The following LYST variants were observed in gnomAD, a reference collection of about 807,000 sequenced individuals.
The protein encoded by LYST is lysosomal-trafficking regulator.
In LYST, 192 loss-of-function variants were observed where a neutral mutation model predicts 413.6. The observed-to-expected ratio is 0.46, with a 90% CI of 0.41 to 0.52. LYST has a LOEUF of 0.52. LYST is among the 20% of genes least tolerant of loss of function. The pLI, the probability that LYST is intolerant of heterozygous loss-of-function variation, is 0.00. For missense variants in LYST, 3,815 were observed against 4,499.9 expected (o/e 0.85, Z 4.35); for synonymous variants, 1,525 against 1,567.3 (o/e 0.97, Z 0.64).
At position 235,804,563 on chromosome 1, in the gene LYST, G is replaced by A. The variant is rs1672607298; in HGVS notation, c.3496C>T (p.Arg1166Ter). 1.9e-6 allele frequency: 3 copies of A among 1,612,856 alleles called. No homozygotes were observed. The highest frequency in any genetic ancestry group is 1.3e-5 in the African/African-American group (1 of 74,852). Reference protein sequence around the residue: ...LAKPLFDALLRVALGNYSADF... With the variant: ...LAKPLFDALL ...GCTGAATAATTCCCGAGGGCAACTCGAAGCAGGGCATCAAATAAAGGCTTT... is the reference window on the plus strand; with the variant it reads ...GCTGAATAATTCCCGAGGGCAACTCAAAGCAGGGCATCAAATAAAGGCTTT... The change falls in exon 7 of 53, where the codon CGA becomes TGA. Residue 1166 changes from arginine (R) to a stop codon, truncating the protein, a stop_gained. Transcript: ENST00000389793. LOFTEE classifies it high-confidence loss of function.
Position 235,699,191 on chromosome 1 carries a change from T to C in LYST, c.10375-1919A>G, listed in dbSNP as rs576125764. Among the ~76,000 whole-genome samples, 7 of 152,274 alleles carry C rather than the reference T, an allele frequency of 4.6e-5. No homozygotes were observed. In the South Asian group the frequency reaches 8.3e-4, roughly 18 times the overall value. Reference sequence around the variant, plus strand: ...GTGTGCCATGGTGGTTTGCTGCACCTATCAACCCATCATCTAGGTTTTGTC... The same window carrying C: ...GTGTGCCATGGTGGTTTGCTGCACCCATCAACCCATCATCTAGGTTTTGTC... On this transcript the variant is annotated intron_variant, in intron 45 of 52. Transcript: ENST00000389793.
intron 36 of LYST, among the ~76,000 whole-genome samples, chr1:235,730,569 G>A (rs1664288607): frequency 1.1e-4 from 1 of 8,996 alleles, no homozygotes; most frequent in African/African-American, 2.5e-3. Context: ...ATATTTATAT[G>A]TGTGTGTGTG....
Position 235,806,350 on chromosome 1 carries a change from T to C in LYST, c.2786A>G (p.Tyr929Cys), listed in dbSNP as rs1174774956. 4.3e-6 allele frequency: 7 copies of C among 1,613,888 alleles called. No individual in the cohort carries two copies. Among genetic ancestry groups the C allele is most frequent in the South Asian group, 2.2e-5 (2 of 91,084 alleles). ...SANDSEDTSGYDSTASEPLSH... is the reference protein window; with the variant it reads ...SANDSEDTSGCDSTASEPLSH... Reference sequence around the variant, plus strand: ...TAAAGGCTCGCTGGCTGTGCTGTCATAGCCAGAAGTATCTTCTGAGTCATT... The same window carrying C: ...TAAAGGCTCGCTGGCTGTGCTGTCACAGCCAGAAGTATCTTCTGAGTCATT... Residue 929 changes from tyrosine (Y) to cysteine (C), a missense_variant, in exon 6 of 53, where the codon TAT (tyrosine) becomes TGT (cysteine). Tyr to Cys is a radical substitution (Grantham distance 194). This residue lies in a region of LYST where 1,648 missense variants were observed against 1,810.3 expected (regional missense o/e 0.91). Transcript: ENST00000389793.
At chr1:235,668,449 A>T (rs1658678226) in intron 50 of LYST, among the ~76,000 whole-genome samples, 1 of 152,186 alleles carries the variant, frequency 6.6e-6, no homozygotes, top group African/African-American at 2.4e-5. Context: ...AAGAGACCTT[A>T]AAAAAAGTTG....
intron 44 of LYST, among the ~76,000 whole-genome samples, chr1:235,708,204 T>TA (rs1461714902): frequency 6.6e-6 from 1 of 152,186 alleles, no homozygotes; most frequent in African/African-American, 2.4e-5. Flanking sequence ...GATAGAAGTC[T>TA]AAAGGTGCTT....
chr1:235,867,521 T>C (rs1010038631), upstream of LYST, among the ~76,000 whole-genome samples: 3 of 125,484 alleles, frequency 2.4e-5, no homozygotes, highest in African/African-American at 1.1e-4. Context: ...AGTAATTCAG[T>C]GCAGTGGTGT....
Position 235,697,159 on chromosome 1 carries a change from G to C in LYST, c.10488C>G (p.Leu3496=). 1 of 1,614,198 alleles carries C rather than the reference G, an allele frequency of 6.2e-7. No individual in the cohort carries two copies. Among genetic ancestry groups the C allele is most frequent in the Non-Finnish European group, 8.5e-7 (1 of 1,180,020 alleles). ...SQPHGERFGS[L]QALPTRAICG... is the part of the protein sequence containing the mutation. ...AGATTGCTCTGGTGGGCAGAGCCTG[G>C]AGAGAGCCAAATCTTTCTCCGTGGG... The change falls in exon 46 of 53, where the codon CTC becomes CTG. Residue 3496 remains leucine, a synonymous_variant. Coordinates refer to ENST00000389793, the MANE Select transcript of LYST (RefSeq NM_000081.4).
At chr1:235,671,911 G>T (rs1033730092) in intron 50 of LYST, among the ~76,000 whole-genome samples, 1 of 152,212 alleles carries the variant, frequency 6.6e-6, no homozygotes, top group Non-Finnish European at 1.5e-5. Flanking sequence ...GACCAGTTAG[G>T]TTATTATAGT....
At chr1:235,784,044 T>C (rs1293635082) in intron 14 of LYST, among the ~76,000 whole-genome samples, 2 of 152,110 alleles carry the variant, frequency 1.3e-5, no homozygotes, top group African/African-American at 2.4e-5. Flanking sequence ...CATGCCCAGC[T>C]AATTTTTTTA....
intron 1 of LYST, among the ~76,000 whole-genome samples, chr1:235,845,848 C>T (rs1394037393): frequency 6.6e-6 from 1 of 152,118 alleles, no homozygotes; most frequent in Non-Finnish European, 1.5e-5. Context: ...AACCAAGGAG[C>T]TGCTGAGCTC....
intron 10 of LYST, among the ~76,000 whole-genome samples, chr1:235,796,043 T>C (rs1671527001): frequency 6.6e-6 from 1 of 151,902 alleles, no homozygotes; most frequent in Non-Finnish European, 1.5e-5. Context: ...AAAAAATGTC[T>C]CAAAATGTAG....
rs375463934 is a variant in LYST, at chr1:235,663,909, G to T, written c.11267+75C>A. The T allele has an allele frequency of 2.3e-5, 28 of 1,221,262 alleles. No individual in the cohort carries two copies. The South Asian group carries it at 3.4e-4, about 15-fold the overall frequency. 75.7% of individuals were successfully genotyped at this position (1,221,262 alleles called of 1,614,324 possible). On this transcript the variant is annotated intron_variant, in intron 52 of 52. Coordinates refer to ENST00000389793, the MANE Select transcript of LYST (RefSeq NM_000081.4). ...CAATTGCACATTTCTTTAAGTCTGTGTGCTTAAATACCTCTCTACGAAAAA... is the reference window on the plus strand; with the variant it reads ...CAATTGCACATTTCTTTAAGTCTGTTTGCTTAAATACCTCTCTACGAAAAA...
chr1:235,867,161 C>T (rs746532699), upstream of LYST, among the ~76,000 whole-genome samples: 3 of 152,220 alleles, frequency 2.0e-5, no homozygotes, highest in South Asian at 2.1e-4. Flanking sequence ...CAGCCGGGGC[C>T]CGGTCTGGGT....
chr1:235,785,831 C>T (rs909099736), intron 14 of LYST, among the ~76,000 whole-genome samples: 2 of 152,118 alleles, frequency 1.3e-5, no homozygotes, highest in Non-Finnish European at 2.9e-5. Context: ...GCTTACAAAT[C>T]GAAGATACCT....
At chr1:235,714,548 T>G (rs1443130227) in intron 42 of LYST, among the ~76,000 whole-genome samples, 1 of 152,180 alleles carries the variant, frequency 6.6e-6, no homozygotes, top group Admixed American at 6.6e-5. Flanking sequence ...GAATGGATAA[T>G]GATTCCTCAA....
intron 12 of LYST, 122 bp downstream of exon 12, chr1:235,791,577 A>G (rs1670996739): frequency 3.7e-6 from 3 of 812,912 alleles, no homozygotes; most frequent in South Asian, 2.8e-5. Flanking sequence ...CCACTAAGTA[A>G]GGCATTTAAG....
chr1:235,711,737 T>G (rs1016199982), intron 43 of LYST, among the ~76,000 whole-genome samples: 1 of 152,136 alleles, frequency 6.6e-6, no homozygotes, highest in South Asian at 2.1e-4. Context: ...ATACCTCTTA[T>G]TTTTAAAGTA....
intron 8 of LYST, among the ~76,000 whole-genome samples, chr1:235,802,316 C>A (rs572806542): frequency 1.3e-4 from 20 of 150,956 alleles, no homozygotes; most frequent in Non-Finnish European, 2.7e-4. Flanking sequence ...TTCCATTCTA[C>A]TCATTTTAAG....
chr1:235,770,431 A>G (rs1264856359), intron 19 of LYST, 134 bp from the exon 20 acceptor site: 8 of 848,286 alleles, frequency 9.4e-6, no homozygotes, highest in Admixed American at 4.0e-5. Flanking sequence ...GTCTGCAAAA[A>G]GCCAATGTTA....
Sources: gnomAD v4.1 joint callset for allele counts (sites outside exome capture counted in the v4.1 genomes callset) on GRCh38, gnomAD v4.1.1 for gene constraint, gnomAD v4.1.1 regional missense constraint, MANE v1.5 for transcripts, NCBI Gene and HGNC (gene_info 2026-07-23, HGNC 2026-07-21) for gene names.